DDX54: variants seen among roughly 807,000 people sequenced by gnomAD.
DDX54 encodes ATP-dependent RNA helicase DDX54.
DDX54 carries 67 observed loss-of-function variants against 105.5 expected under a neutral mutation model. That is an observed-to-expected ratio of 0.64 (90% CI 0.52 to 0.78). The LOEUF (loss-of-function observed/expected upper bound fraction) is 0.78, where lower values mean the gene tolerates loss of function less well. Among genes scored for constraint, DDX54 ranks in the 30% least tolerant of loss-of-function variants. The pLI is 0.00. For missense variants in DDX54, 1,206 were observed against 1,230.5 expected, an observed-to-expected ratio of 0.98 and a Z score of 0.30; for synonymous variants, 514 against 509.9, an observed-to-expected ratio of 1.01 and a Z score of -0.11.
At chr12:113,178,921 GAC>G (rs1377890985) in intron 5 of DDX54, 54 bp downstream of exon 5, 9 of 1,597,798 alleles carry the variant, frequency 5.6e-6, no homozygotes, top group Non-Finnish European at 6.8e-6. Flanking sequence ...ATGTCCTGGA[GAC>G]ACAGAGATGT....
chr12:113,179,110 T>C (rs1566100415), intron 4 of DDX54, 33 bp downstream of exon 4: 1 of 1,613,428 alleles, frequency 6.2e-7, no homozygotes, highest in Non-Finnish European at 8.5e-7. Context: ...AAGTCAGCCC[T>C]TGCCTCCAGC....
intron 18 of DDX54, 114 bp downstream of exon 18, chr12:113,161,779 A>AG: frequency 1.3e-5 from 3 of 237,002 alleles, no homozygotes; most frequent in South Asian, 3.7e-5. Flanking sequence ...TAAGCCGCTC[A>AG]GCCCCGCCCC....
intron 12 of DDX54, among the ~76,000 whole-genome samples, chr12:113,169,316 G>A (rs1291795537): frequency 6.6e-6 from 1 of 151,514 alleles, no homozygotes. Flanking sequence ...GTAAGACCCC[G>A]TCTCGTTAAA....
chr12:113,158,891 G>A lies in DDX54; in HGVS notation c.2632C>T (p.Arg878Trp), dbSNP rs781605282. 11 of 1,602,618 alleles carry A rather than the reference G, an allele frequency of 6.9e-6. No individual in the cohort carries two copies. The Admixed American group carries it at 8.4e-5, about 12-fold the overall frequency. Residue 878 changes from arginine (R) to tryptophan (W), a missense_variant, in exon 20 of 20, where the codon CGG becomes TGG. By Grantham distance (101) the Arg-to-Trp change is moderately radical. Around this residue, in one of 3 missense-constraint regions of DDX54, gnomAD observed 961 missense variants for 1,019.1 expected, o/e 0.94. Coordinates refer to ENST00000306014, the MANE Select transcript of DDX54 (RefSeq NM_024072.4). This position sits in a 1 kb window ranked among gnomAD's most constrained non-coding sequence, Gnocchi z 4.9. ...GGTCCTGGTCCTCACATCCTCTTCC[G>A]CATCTTGCCCTTCTTGGAGCGGGCA... The part of the protein sequence containing the change: ...RGARSKKGKM[R>W]KRM
At chr12:113,173,028 G>C (rs144921788) in intron 10 of DDX54, among the ~76,000 whole-genome samples, 1 of 152,156 alleles carries the variant, frequency 6.6e-6, no homozygotes, top group African/African-American at 2.4e-5. Flanking sequence ...ACTCATGAGA[G>C]TGCTAGCTGT....
Position 113,157,800 on chromosome 12 carries a change from G to T in DDX54, c.*1077C>A, listed in dbSNP as rs1952150888. 2.4e-6 allele frequency: 2 copies of T among 828,592 alleles called. No homozygotes were observed. Among genetic ancestry groups the T allele is most frequent in the East Asian group, 5.4e-5 (2 of 37,342 alleles). The allele number at this position is 828,592 out of a possible 1,614,324, so 51.3% of individuals were successfully genotyped here. A position where few individuals can be genotyped will look rare whatever the true frequency, so the allele number is the denominator to read the frequency against. ...CCTGAATCCGTTTCCTCATTGGGAA[G>T]ATGGGAGGGCTGTGCCTGTTCAGAG... On this transcript the variant is annotated 3_prime_UTR_variant, in exon 20 of 20. Transcript: ENST00000306014.
chr12:113,166,125 G>C (rs934299454), intron 12 of DDX54, 93 bp from the exon 13 acceptor site: 3 of 1,244,358 alleles, frequency 2.4e-6, no homozygotes, highest in Non-Finnish European at 3.3e-6. Flanking sequence ...CCTGGCCCCT[G>C]AATCACAGGT....
chr12:113,185,431 CG>C lies in DDX54; in HGVS notation c.20del (p.Pro7ArgfsTer97). On this transcript the variant is annotated frameshift_variant, in exon 1 of 20. Coordinates refer to ENST00000306014, the MANE Select transcript of DDX54 (RefSeq NM_024072.4). LOFTEE classifies it high-confidence loss of function. ...CAGCTCGCGACCGAGGTCCAGCCGCCGGGCCCTTGTCGGCCGCCATTCGGGC... is the reference window on the plus strand; with the variant it reads ...CAGCTCGCGACCGAGGTCCAGCCGCCGGCCCTTGTCGGCCGCCATTCGGGC... MAADKG[P>X]AAGPRSRAAM... is the part of the protein sequence containing the mutation. The C allele has an allele frequency of 6.6e-7, 1 of 1,519,164 alleles. No homozygotes were observed. The highest frequency in any genetic ancestry group is 1.8e-4 in the Middle Eastern group (1 of 5,588). 94.1% of individuals were successfully genotyped at this position (1,519,164 alleles called of 1,614,324 possible).
At chr12:113,179,862 C>T in intron 3 of DDX54, 73 bp downstream of exon 3, 2 of 1,540,752 alleles carry the variant, frequency 1.3e-6, no homozygotes, top group East Asian at 2.2e-5. Context: ...CAAGGGGTGG[C>T]TGTCAAGGGG....
Position 113,161,951 on chromosome 12 carries a change from T to C in DDX54, c.2242A>G (p.Lys748Glu), listed in dbSNP as rs1952213775. ...CCGCTCTCTGTCTTAATCTTCTTCT[T>C]GTCTTCCTGTCCTGACTGTCCCACA... ...RFVGQSGQED[K>E]KKIKTESGRY... The change falls in exon 18 of 20, where the codon AAG becomes GAG. Residue 748 changes from lysine (K) to glutamate (E), a missense_variant. Around this residue, in one of 3 missense-constraint regions of DDX54, gnomAD observed 961 missense variants for 1,019.1 expected, o/e 0.94. Transcript: ENST00000306014. 1.9e-6 allele frequency: 3 copies of C among 1,612,972 alleles called. No individual in the cohort carries two copies. The highest frequency in any genetic ancestry group is 2.5e-6 in the Non-Finnish European group (3 of 1,179,788).
In DDX54 at chr12:113,158,752, T is replaced by C. The variant is rs551820098; in HGVS notation, c.*125A>G. On this transcript the variant is annotated 3_prime_UTR_variant, in exon 20 of 20. Coordinates refer to ENST00000306014, the MANE Select transcript of DDX54 (RefSeq NM_024072.4). This position sits in a 1 kb window ranked among gnomAD's most constrained non-coding sequence, Gnocchi z 4.9. ...GCCATACAGTGCTCCTTTTCACAGATGATGGCTCCTGCAGGGAGTGCCCCC... is the reference window on the plus strand; with the variant it reads ...GCCATACAGTGCTCCTTTTCACAGACGATGGCTCCTGCAGGGAGTGCCCCC... 3.7e-6 allele frequency: 4 copies of C among 1,078,146 alleles called. No homozygotes were observed. Among genetic ancestry groups the C allele is most frequent in the Non-Finnish European group, 5.2e-6 (4 of 764,760 alleles). 66.8% of individuals were successfully genotyped at this position (1,078,146 alleles called of 1,614,324 possible). A position where few individuals can be genotyped will look rare whatever the true frequency, so the allele number is the denominator to read the frequency against.
At chr12:113,159,453 T>A (rs1197651343) in intron 19 of DDX54, among the ~76,000 whole-genome samples, 1 of 152,132 alleles carries the variant, frequency 6.6e-6, no homozygotes, top group Non-Finnish European at 1.5e-5. Context: ...TGTAAAGTGG[T>A]CAGAATTTCA....
chr12:113,179,035 A>G lies in DDX54; in HGVS notation c.565-9T>C, dbSNP rs1952436565. 2 of 1,614,014 alleles carry G rather than the reference A, an allele frequency of 1.2e-6. No individual in the cohort carries two copies. Among genetic ancestry groups the G allele is most frequent in the Admixed American group, 3.3e-5 (2 of 60,000 alleles). On this transcript the variant is annotated splice_polypyrimidine_tract_variant and intron_variant, in intron 4 of 19. Transcript: ENST00000306014. ...CCAGTGAACTTGCCTAGCTGAGAAG[A>G]GAAAGTGATTGAGAGAGGGCAGGGG...
intron 1 of DDX54, among the ~76,000 whole-genome samples, chr12:113,183,243 A>G (rs954617803): frequency 6.6e-6 from 1 of 152,216 alleles, no homozygotes; most frequent in African/African-American, 2.4e-5. Flanking sequence ...AACCTCTCCA[A>G]TGTCCCACAG....
intron 7 of DDX54, among the ~76,000 whole-genome samples, chr12:113,175,851 G>A (rs1475807596): frequency 1.3e-5 from 2 of 152,044 alleles, no homozygotes; most frequent in African/African-American, 2.4e-5. Flanking sequence ...TACTCAGGAG[G>A]CTGACATGGG....
intron 2 of DDX54, among the ~76,000 whole-genome samples, 191 bp from the exon 3 acceptor site, chr12:113,180,196 G>A (rs1490086240): frequency 6.6e-6 from 1 of 152,198 alleles, no homozygotes; most frequent in Non-Finnish European, 1.5e-5. Flanking sequence ...AACCTTATCT[G>A]ATTTTCTGAT....
In DDX54 at chr12:113,165,829, C is replaced by T; in HGVS notation, c.1618G>A (p.Val540Met). The T allele has an allele frequency of 6.2e-7, 1 of 1,608,958 alleles. No homozygotes were observed. The highest frequency in any genetic ancestry group is 1.1e-5 in the South Asian group (1 of 90,690). The change falls in exon 13 of 20, where the codon GTG becomes ATG. Residue 540 changes from valine (V) to methionine (M), a missense_variant. Coordinates refer to ENST00000306014, the MANE Select transcript of DDX54 (RefSeq NM_024072.4). ...SIKRAKEMDL[V>M]GLGLHPLFSS... is the part of the protein sequence containing the mutation. ...AAGAGGGGGTGCAGGCCCAGCCCCA[C>T]AAGGTCCATCTCCTTGGCCCTCTTG...
chr12:113,177,187 C>T, intron 5 of DDX54, 94 bp from the exon 6 acceptor site: 1 of 1,447,256 alleles, frequency 6.9e-7, no homozygotes. Context: ...ACACCCCATC[C>T]CCAGGAACAC....
chr12:113,163,843 G>A lies in DDX54; in HGVS notation c.1938+224C>T, dbSNP rs1952239924. Among the ~76,000 whole-genome samples the A allele has an allele frequency of 6.6e-6, 1 of 152,218 alleles. No homozygotes were observed. Among genetic ancestry groups the A allele is most frequent in the Non-Finnish European group, 1.5e-5 (1 of 68,038 alleles). ...GGCTGGTGATGCCCCGGACCCCACT[G>A]AGGGTGTCATGTCGTGCACAGCTCC... On this transcript the variant is annotated intron_variant, in intron 15 of 19. Transcript: ENST00000306014. The surrounding 1 kb of genome is among the most constrained non-coding windows in gnomAD (Gnocchi z 5.9).
Sources: allele counts gnomAD v4.1 joint callset (sites outside exome capture counted in the v4.1 genomes callset), GRCh38; gene constraint gnomAD v4.1.1; regional missense constraint gnomAD v4.1.1; non-coding constraint Gnocchi (gnomAD v3.1); transcripts MANE v1.5; gene names NCBI Gene and HGNC (gene_info 2026-07-23, HGNC 2026-07-21).